The following LRBA variants were observed in gnomAD, a reference collection of about 807,000 sequenced individuals.
The protein encoded by LRBA is lipopolysaccharide-responsive and beige-like anchor protein.
LRBA carries 176 observed loss-of-function variants against 330.0 expected under a neutral mutation model. The observed-to-expected ratio is 0.53, with a 90% CI of 0.47 to 0.60. The LOEUF (loss-of-function observed/expected upper bound fraction) is 0.60. LRBA is among the 20% of genes least tolerant of loss of function. The pLI is 0.00. For synonymous variants in LRBA, 1,230 were observed against 1,193.0 expected (o/e 1.03, Z -0.64); for missense variants, 3,259 against 3,444.8 (o/e 0.95, Z 1.35).
At chr4:150,833,288 C>G (rs193070042) in intron 28 of LRBA, among the ~76,000 whole-genome samples, 323 of 151,908 alleles carry the variant, frequency 2.1e-3, no homozygotes, top group Non-Finnish European at 3.1e-3. Flanking sequence ...CACTATTCTA[C>G]TAACTTTCCC....
chr4:150,592,151 T>TG (rs750509975), intron 38 of LRBA, among the ~76,000 whole-genome samples: 2,448 of 140,286 alleles, frequency 0.017, 51 homozygotes, highest in Middle Eastern at 0.058. Context: ...AGGGTTTTTT[T>TG]TTTTTTTTTT....
chr4:150,893,163 A>G lies in LRBA; in HGVS notation c.2068-14T>C. 6.5e-7 allele frequency: 1 copy of G among 1,534,484 alleles called. No homozygotes were observed. The highest frequency in any genetic ancestry group is 8.9e-7 in the Non-Finnish European group (1 of 1,125,940). On this transcript the variant is annotated splice_polypyrimidine_tract_variant and intron_variant, in intron 16 of 56. Coordinates refer to ENST00000651943, the MANE Select transcript of LRBA (RefSeq NM_001364905.1). Reference sequence around the variant, plus strand: ...TAGATTGTCATCCTATAATCATTTTAGAAATTTTTTTTAAAAAATGAGGAA... The same window carrying G: ...TAGATTGTCATCCTATAATCATTTTGGAAATTTTTTTTAAAAAATGAGGAA...
chr4:150,539,900 T>C (rs1765130673), intron 40 of LRBA, among the ~76,000 whole-genome samples: 1 of 152,234 alleles, frequency 6.6e-6, no homozygotes, highest in Non-Finnish European at 1.5e-5. Flanking sequence ...TATCAGTTCG[T>C]TAAACATCAG....
intron 44 of LRBA, among the ~76,000 whole-genome samples, chr4:150,460,605 A>G (rs1055618253): frequency 6.6e-6 from 1 of 151,864 alleles, no homozygotes; most frequent in East Asian, 1.9e-4. Flanking sequence ...AAAAATTTAA[A>G]ATTCAGTTTT....
intron 44 of LRBA, among the ~76,000 whole-genome samples, chr4:150,458,427 G>A (rs536295189): frequency 6.6e-6 from 1 of 151,818 alleles, no homozygotes; most frequent in South Asian, 2.1e-4. Context: ...ATTTAAAAAG[G>A]TCAGTGTACC....
intron 37 of LRBA, among the ~76,000 whole-genome samples, chr4:150,642,113 TA>T (rs1289668370): frequency 1.3e-5 from 2 of 152,030 alleles, no homozygotes; most frequent in Non-Finnish European, 2.9e-5. Flanking sequence ...TTTTGATTAG[TA>T]AAATATGTTA....
chr4:150,879,862 T>C (rs1447878656), intron 17 of LRBA, among the ~76,000 whole-genome samples: 1 of 152,154 alleles, frequency 6.6e-6, no homozygotes, highest in African/African-American at 2.4e-5. Context: ...AAACTACGAA[T>C]GTGATTTTTC....
At chr4:150,404,298 A>G (rs1745886039) in intron 47 of LRBA, among the ~76,000 whole-genome samples, 1 of 152,222 alleles carries the variant, frequency 6.6e-6, no homozygotes, top group Non-Finnish European at 1.5e-5. Flanking sequence ...GCACAATACC[A>G]TCTCAAGTAA....
rs374405717 is a variant in LRBA, at chr4:150,415,541, T to A, written c.7091A>T (p.Asn2364Ile). The change falls in exon 47 of 57, where the codon AAT becomes ATT. Residue 2364 changes from asparagine to isoleucine, a missense_variant. By Grantham distance (149) the Asn-to-Ile change is moderately radical (BLOSUM62 -3). Transcript: ENST00000651943. ...YYLPEMFVNFNNYNLGVMDDG... is the reference protein window; with the variant it reads ...YYLPEMFVNFINYNLGVMDDG... ...ATCCATCACTCCAAGATTATAATTA[T>A]TGAAGTTGACAAACATCTCAGGGAG... 1.2e-6 allele frequency: 2 copies of A among 1,602,192 alleles called. No individual in the cohort carries two copies. The highest frequency in any genetic ancestry group is 1.7e-5 in the Admixed American group (1 of 59,976).
chr4:150,409,488 C>T (rs903598558), intron 47 of LRBA, among the ~76,000 whole-genome samples: 1 of 152,064 alleles, frequency 6.6e-6, no homozygotes, highest in African/African-American at 2.4e-5. Context: ...TGGCCTATTT[C>T]TGGGTTCTCT....
chr4:150,737,451 C>T (rs1731330016), intron 35 of LRBA, among the ~76,000 whole-genome samples: 2 of 150,884 alleles, frequency 1.3e-5, no homozygotes, highest in South Asian at 4.2e-4. Flanking sequence ...CAGAGCGAGA[C>T]TCCGACAGAA....
intron 37 of LRBA, among the ~76,000 whole-genome samples, chr4:150,661,154 A>T (rs1450701800): frequency 6.6e-6 from 1 of 151,678 alleles, no homozygotes; most frequent in East Asian, 1.9e-4. Flanking sequence ...GTACTTAATA[A>T]ATAGCATGAT....
intron 46 of LRBA, among the ~76,000 whole-genome samples, chr4:150,419,079 T>C (rs913929321): frequency 2.6e-5 from 4 of 151,904 alleles, no homozygotes; most frequent in East Asian, 1.9e-4. Flanking sequence ...CTATGTGAAA[T>C]AGAAGAAAGG....
intron 56 of LRBA, among the ~76,000 whole-genome samples, chr4:150,267,921 G>A (rs1453742633): frequency 5.9e-5 from 9 of 152,004 alleles, no homozygotes; most frequent in South Asian, 2.1e-4. Context: ...TTAACTGGGC[G>A]TGGTAGTGGG....
intron 28 of LRBA, among the ~76,000 whole-genome samples, chr4:150,833,724 G>A (rs950684744): frequency 3.9e-5 from 6 of 152,174 alleles, no homozygotes; most frequent in African/African-American, 1.2e-4. Context: ...ACTGATGGGT[G>A]AGGGTGGTAA....
chr4:150,859,415 T>C (rs1751622468), intron 22 of LRBA, among the ~76,000 whole-genome samples: 1 of 152,040 alleles, frequency 6.6e-6, no homozygotes, highest in Non-Finnish European at 1.5e-5. Context: ...CATTTTATCA[T>C]ACCAAGTGAA....
chr4:150,603,494 T>G (rs1223278076), intron 37 of LRBA, among the ~76,000 whole-genome samples: 1 of 152,122 alleles, frequency 6.6e-6, no homozygotes, highest in African/African-American at 2.4e-5. Context: ...TTGTGGTTGT[T>G]GTTGTTTTTT....
Position 150,648,158 on chromosome 4 carries a change from C to CAA in LRBA, c.5921+35391_5921+35392dup. Among the ~76,000 whole-genome samples the CAA allele has an allele frequency of 6.3e-3, 115 of 18,114 alleles. 8 individuals are homozygous for CAA. Among genetic ancestry groups the CAA allele is most frequent in the Middle Eastern group, 0.083 (2 of 24 alleles). The allele number at this position is 18,114 out of a possible 152,430, so 11.9% of individuals were successfully genotyped here. On this transcript the variant is annotated intron_variant, in intron 37 of 56. Transcript: ENST00000651943. ...TCAGAAGAGAAAGGAACACAAGTAG[C>CAA]AAAAAAAAAAAAAAAAAAACTAGAA...
At chr4:150,449,668 A>C (rs1753109306) in intron 44 of LRBA, among the ~76,000 whole-genome samples, 1 of 152,090 alleles carries the variant, frequency 6.6e-6, no homozygotes, top group Non-Finnish European at 1.5e-5. Flanking sequence ...TGAAGTTTAT[A>C]CTGTATTTAA....
Sources: gnomAD v4.1 joint callset for allele counts (sites outside exome capture counted in the v4.1 genomes callset) on GRCh38, gnomAD v4.1.1 for gene constraint, MANE v1.5 for transcripts, NCBI Gene and HGNC (gene_info 2026-07-23, HGNC 2026-07-21) for gene names.